Variants in CTNNA2 observed in about 807,000 individuals in gnomAD.
CTNNA2 encodes the protein catenin alpha 2, also known as catenin alpha-2.
A neutral mutation model predicts 101.0 loss-of-function variants in CTNNA2; 42 were observed. The observed-to-expected ratio is 0.42, with a 90% CI of 0.32 to 0.54. CTNNA2 has a LOEUF of 0.54. Among genes scored for constraint, CTNNA2 ranks in the 20% least tolerant of loss-of-function variants. The pLI is 0.14. For synonymous variants in CTNNA2, 450 were observed against 456.4 expected, an observed-to-expected ratio of 0.99 and a Z score of 0.18; for missense variants, 871 against 1,223.1, an observed-to-expected ratio of 0.71 and a Z score of 4.29.
At chr2:79,756,059 G>C (rs940077014) in intron 3 of CTNNA2, among the ~76,000 whole-genome samples, 5 of 111,598 alleles carry the variant, frequency 4.5e-5, no homozygotes, top group Non-Finnish European at 8.7e-5. Flanking sequence ...ATTAGCTGAG[G>C]GCCCAGGAGT....
At chr2:79,306,171 G>A (rs1334039437) in intron 2 of CTNNA2, among the ~76,000 whole-genome samples, 1 of 151,776 alleles carries the variant, frequency 6.6e-6, no homozygotes, top group Admixed American at 6.6e-5. Flanking sequence ...CTTAACTGCA[G>A]AATCTAAAGA....
chr2:79,615,010 C>T (rs1678523516), intron 1 of CTNNA2, among the ~76,000 whole-genome samples: 1 of 152,250 alleles, frequency 6.6e-6, no homozygotes, highest in East Asian at 1.9e-4. Flanking sequence ...TTATGAGACT[C>T]ATTAACCAGT....
chr2:80,103,505 G>A (rs1249835973), intron 7 of CTNNA2, among the ~76,000 whole-genome samples: 1 of 152,074 alleles, frequency 6.6e-6, no homozygotes, highest in East Asian at 1.9e-4. Flanking sequence ...TCCAAGAGGG[G>A]TATAATTTAG....
At chr2:79,993,602 T>C (rs1692334038) in intron 7 of CTNNA2, among the ~76,000 whole-genome samples, 1 of 146,704 alleles carries the variant, frequency 6.8e-6, no homozygotes, top group Non-Finnish European at 1.5e-5. Flanking sequence ...GCAGTGGCAC[T>C]GTTAGGGGAG....
intron 3 of CTNNA2, among the ~76,000 whole-genome samples, chr2:79,849,282 C>A (rs1197243659): frequency 6.7e-6 from 1 of 149,406 alleles, no homozygotes; most frequent in Non-Finnish European, 1.5e-5. Flanking sequence ...GTATGGCTTG[C>A]ATGATAGGGT....
intron 2 of CTNNA2, among the ~76,000 whole-genome samples, chr2:79,204,860 A>C (rs1254788376): frequency 6.6e-6 from 1 of 152,194 alleles, no homozygotes; most frequent in African/African-American, 2.4e-5. Flanking sequence ...TTCATAATGG[A>C]ATTAGTCAAC....
chr2:79,674,996 T>C (rs1243936798), intron 2 of CTNNA2, among the ~76,000 whole-genome samples: 6 of 152,258 alleles, frequency 3.9e-5, no homozygotes, highest in African/African-American at 1.4e-4. Flanking sequence ...TTTCTCATTT[T>C]TAAATATCTT....
intron 7 of CTNNA2, among the ~76,000 whole-genome samples, chr2:80,251,297 A>G (rs948946707): frequency 2.0e-5 from 3 of 152,158 alleles, no homozygotes; most frequent in South Asian, 4.1e-4. Flanking sequence ...TTGTTAAATA[A>G]TGATATTGAA....
At chr2:79,681,001 G>C (rs939974210) in intron 2 of CTNNA2, among the ~76,000 whole-genome samples, 1 of 152,008 alleles carries the variant, frequency 6.6e-6, no homozygotes, top group African/African-American at 2.4e-5. Context: ...AAAAGAAAAA[G>C]CAAAATTACT....
At chr2:79,239,772 G>A (rs1674599516) in intron 2 of CTNNA2, among the ~76,000 whole-genome samples, 1 of 152,142 alleles carries the variant, frequency 6.6e-6, no homozygotes, top group Admixed American at 6.5e-5. Context: ...CCTATAGAAT[G>A]TGAGAAAATT....
intron 2 of CTNNA2, among the ~76,000 whole-genome samples, chr2:79,743,425 A>T (rs900072605): frequency 2.6e-5 from 4 of 152,186 alleles, no homozygotes; most frequent in African/African-American, 9.6e-5. Flanking sequence ...AAAGAGTAAT[A>T]ATAGATTCAA....
In CTNNA2 at chr2:79,611,380, C is replaced by T. The variant is rs1573472966; in HGVS notation, c.-5-40172C>T. 2.0e-5 allele frequency among the ~76,000 whole-genome samples: 3 copies of T among 152,238 alleles called. No individual in the cohort carries two copies. The South Asian group carries it at 6.2e-4, about 32-fold the overall frequency. On this transcript the variant is annotated intron_variant, in intron 1 of 18. Transcript: ENST00000402739. ...TCATCCAGCTCTACAAGGAAGCCAACCTACCTGTGCAAGGAAGGTTCTCTG... is the reference window on the plus strand; with the variant it reads ...TCATCCAGCTCTACAAGGAAGCCAATCTACCTGTGCAAGGAAGGTTCTCTG...
intron 1 of CTNNA2, among the ~76,000 whole-genome samples, chr2:79,634,357 C>G (rs537856988): frequency 1.2e-4 from 18 of 152,234 alleles, no homozygotes; most frequent in African/African-American, 4.3e-4. Context: ...AGATGCAACT[C>G]TATTTATTGT....
intron 2 of CTNNA2, among the ~76,000 whole-genome samples, chr2:79,687,338 T>C (rs1683998863): frequency 2.0e-5 from 3 of 152,100 alleles, no homozygotes. Flanking sequence ...TAGCCTCCAA[T>C]GCTTATAAAT....
intron 7 of CTNNA2, among the ~76,000 whole-genome samples, chr2:80,372,846 T>C (rs1675577704): frequency 2.6e-5 from 4 of 152,192 alleles, no homozygotes; most frequent in African/African-American, 7.2e-5. Flanking sequence ...TTCCCCAGGA[T>C]ACTTAGCAAT....
chr2:79,688,476 A>T (rs1010023338), intron 2 of CTNNA2, among the ~76,000 whole-genome samples: 1 of 152,010 alleles, frequency 6.6e-6, no homozygotes, highest in Admixed American at 6.6e-5. Flanking sequence ...ATATATATCT[A>T]TATGTGTATA....
At position 79,213,094 on chromosome 2, in the gene CTNNA2, A is replaced by G. The variant is rs1416858343; in HGVS notation, c.-406+15018A>G. On this transcript the variant is annotated intron_variant, in intron 2 of 21. Transcript: ENST00000466387. The stretch of plus-strand genomic sequence containing the variant: ...AGAACCATTTGCCTTGTGTGGGAAG[A>G]GATTGATAGGTGGAAGTTTCAGCAG... 2.0e-5 allele frequency among the ~76,000 whole-genome samples: 3 copies of G among 152,264 alleles called. No homozygotes were observed. In the East Asian group the frequency reaches 5.8e-4, roughly 29 times the overall value.
At chr2:79,675,044 G>A (rs1406075898) in intron 2 of CTNNA2, among the ~76,000 whole-genome samples, 1 of 152,132 alleles carries the variant, frequency 6.6e-6, no homozygotes, top group African/African-American at 2.4e-5. Flanking sequence ...AAAATCAGAG[G>A]CTGAGATATT....
chr2:80,586,608 G>A (rs1695992546), intron 14 of CTNNA2: 1 of 152,148 alleles, frequency 6.6e-6, no homozygotes, highest in Non-Finnish European at 1.5e-5. Flanking sequence ...TAGTGGAATA[G>A]CTGTCTTGCT....
Sources: allele counts gnomAD v4.1 joint callset (sites outside exome capture counted in the v4.1 genomes callset), GRCh38; gene constraint gnomAD v4.1.1; transcripts MANE v1.5; gene names NCBI Gene and HGNC (gene_info 2026-07-23, HGNC 2026-07-21).